The following GREB1 variants were observed in gnomAD, a reference collection of about 807,000 sequenced individuals.
GREB1 encodes growth regulating estrogen receptor binding 1, also known as protein GREB1.
Under a neutral mutation model 200.7 loss-of-function variants are expected in GREB1, and 106 were observed. The observed-to-expected ratio is 0.53, with a 90% CI of 0.45 to 0.62. The LOEUF is 0.62. GREB1 is among the 20% of genes least tolerant of loss of function. The probability of loss-of-function intolerance (pLI) is 0.00; values close to 1 mark genes in which losing one functional copy is unlikely to be tolerated. For missense variants in GREB1, 2,243 were observed against 2,556.8 expected (o/e 0.88, Z 2.65); for synonymous variants, 1,132 against 1,092.4 (o/e 1.04, Z -0.72).
chr2:11,487,892 G>A (rs993741062), intron 1 of GREB1, among the ~76,000 whole-genome samples: 4 of 152,180 alleles, frequency 2.6e-5, no homozygotes, highest in African/African-American at 9.7e-5. Context: ...AACAAAAGGC[G>A]GTGGACTGCC....
At chr2:11,490,942 C>G (rs1445678142) in intron 1 of GREB1, among the ~76,000 whole-genome samples, 1 of 152,296 alleles carries the variant, frequency 6.6e-6, no homozygotes, top group South Asian at 2.1e-4. Context: ...GGAGGAACTG[C>G]CAAGCTGATT....
chr2:11,540,834 GCTGA>G (rs1674680238), intron 1 of GREB1, among the ~76,000 whole-genome samples: 1 of 152,172 alleles, frequency 6.6e-6, no homozygotes, highest in African/African-American at 2.4e-5. Flanking sequence ...TATATTGGGG[GCTGA>G]CTATTGCCAC....
upstream of GREB1, among the ~76,000 whole-genome samples, chr2:11,532,017 T>C (rs1674091324): frequency 6.6e-6 from 1 of 152,242 alleles, no homozygotes; most frequent in Non-Finnish European, 1.5e-5. Flanking sequence ...TTTTCTCTGC[T>C]TTCTACTATT....
upstream of GREB1, among the ~76,000 whole-genome samples, chr2:11,530,399 C>T (rs1674028313): frequency 6.8e-6 from 1 of 147,530 alleles, no homozygotes; most frequent in Non-Finnish European, 1.5e-5. Context: ...TGATCTTTGC[C>T]AAATAGGAAA....
In GREB1 at chr2:11,524,361, A is replaced by G. The variant is rs1291241568; in HGVS notation, c.-158-32096A>G. On this transcript the variant is annotated intron_variant, in intron 1 of 2. Coordinates refer to the GREB1 transcript ENST00000628795. The stretch of plus-strand genomic sequence containing the variant: ...ATTGACAGCCATTAGGTTGGGTGAC[A>G]TGACAGAGGGAGGTGACATGTCCAT... Among the ~76,000 whole-genome samples the G allele has an allele frequency of 2.0e-5, 3 of 152,308 alleles. No individual in the cohort carries two copies. The South Asian group carries it at 6.2e-4, about 32-fold the overall frequency.
intron 4 of GREB1, among the ~76,000 whole-genome samples, chr2:11,566,956 T>C (rs1468149707): frequency 6.6e-6 from 1 of 152,198 alleles, no homozygotes. Flanking sequence ...TGACAAACCC[T>C]GTCCTAGGCA....
Position 11,588,620 on chromosome 2 carries a change from G to A in GREB1, c.1160-126G>A, listed in dbSNP as rs1289879217. 15 of 865,956 alleles carry A rather than the reference G, an allele frequency of 1.7e-5. No individual in the cohort carries two copies. The East Asian group carries it at 3.5e-4, about 20-fold the overall frequency. The allele number at this position is 865,956 out of a possible 1,614,324, so 53.6% of individuals were successfully genotyped here. A position where few individuals can be genotyped will look rare whatever the true frequency, so the allele number is the denominator to read the frequency against. The stretch of plus-strand genomic sequence containing the variant: ...CAATGAGCAAGGCTTCCCAGGACAG[G>A]GCACTCGAGGGACCTGGCGCAGCTC... On this transcript the variant is annotated intron_variant, in intron 9 of 32. Coordinates refer to ENST00000381486, the MANE Select transcript of GREB1 (RefSeq NM_014668.4).
At chr2:11,572,639 C>T (rs1302234392) in intron 4 of GREB1, among the ~76,000 whole-genome samples, 1 of 151,974 alleles carries the variant, frequency 6.6e-6, no homozygotes. Context: ...TCCCCTAGGG[C>T]CACATGTGAG....
chr2:11,534,619 C>T (rs1674207151), intron 1 of GREB1, among the ~76,000 whole-genome samples: 1 of 152,138 alleles, frequency 6.6e-6, no homozygotes, highest in South Asian at 2.1e-4. Context: ...AACAGGCTCA[C>T]CCGTGAGAGC....
Position 11,641,203 on chromosome 2 carries a change from A to C in GREB1, c.*749A>C, listed in dbSNP as rs1361434356. The C allele has an allele frequency of 2.6e-5, 4 of 152,210 alleles. No individual in the cohort carries two copies. Among genetic ancestry groups the C allele is most frequent in the African/African-American group, 9.6e-5 (4 of 41,454 alleles). The allele number at this position is 152,210 out of a possible 1,614,324, so 9.4% of individuals were successfully genotyped here. ...GAGGTTGACCTAAAATTAGCCTTAC[A>C]AAGGAGAAAGGACCACATTGCTTAC... On this transcript the variant is annotated 3_prime_UTR_variant, in exon 33 of 33. Coordinates refer to ENST00000381486, the MANE Select transcript of GREB1 (RefSeq NM_014668.4).
At chr2:11,562,312 G>A (rs1211391273) in intron 2 of GREB1, 151 bp from the exon 3 acceptor site, 2 of 906,546 alleles carry the variant, frequency 2.2e-6, no homozygotes, top group Non-Finnish European at 1.7e-6. Context: ...CGTGCTGAGT[G>A]CTTGTTAAGG....
chr2:11,509,643 G>A (rs866160076), intron 1 of GREB1, among the ~76,000 whole-genome samples: 1 of 152,170 alleles, frequency 6.6e-6, no homozygotes, highest in Admixed American at 6.5e-5. Context: ...TCAGAGGTGG[G>A]CCTTTAGGAG....
chr2:11,622,749 G>A (rs1248945375), intron 23 of GREB1, among the ~76,000 whole-genome samples: 1 of 152,202 alleles, frequency 6.6e-6, no homozygotes, highest in African/African-American at 2.4e-5. Context: ...TGCAGGTTTT[G>A]CTGGCATTGG....
chr2:11,530,876 G>A (rs1159961753), upstream of GREB1, among the ~76,000 whole-genome samples: 1 of 152,164 alleles, frequency 6.6e-6, no homozygotes, highest in Non-Finnish European at 1.5e-5. Context: ...TGGGAAGGCT[G>A]TGTGGGGGAA....
Position 11,566,487 on chromosome 2 carries a change from C to T in GREB1, c.285C>T (p.Cys95=). The change falls in exon 4 of 33, where the codon TGC becomes TGT. Residue 95 remains cysteine, a synonymous_variant. Coordinates refer to ENST00000381486, the MANE Select transcript of GREB1 (RefSeq NM_014668.4). ...CCTGTCCACCCCTCCTAGGGTTTTG[C>T]CAGGCCGGGAAGGACCTGCGCCTTG... is the stretch of plus-strand genomic sequence containing the variant. The part of the protein sequence containing the change: ...PEGCCTTDGF[C]QAGKDLRLVS... 1.2e-6 allele frequency: 2 copies of T among 1,606,614 alleles called. No homozygotes were observed. Among genetic ancestry groups the T allele is most frequent in the Non-Finnish European group, 1.7e-6 (2 of 1,175,758 alleles).
intron 1 of GREB1, among the ~76,000 whole-genome samples, chr2:11,499,650 G>C (rs1478922290): frequency 1.3e-5 from 2 of 152,238 alleles, no homozygotes; most frequent in Admixed American, 6.5e-5. Context: ...AAAATTACAT[G>C]TGTTAATTGC....
In GREB1 at chr2:11,633,894, T is replaced by C. The variant is rs1264885995; in HGVS notation, c.4992-237T>C. On this transcript the variant is annotated intron_variant, in intron 28 of 32. Coordinates refer to ENST00000381486, the MANE Select transcript of GREB1 (RefSeq NM_014668.4). This position sits in a 1 kb window ranked among gnomAD's most constrained non-coding sequence, Gnocchi z 4.1. ...TTGTCTGCGATTAATACCTATGCCA[T>C]GGAGTTGTTGTGAGAATTGACTAAA... Among the ~76,000 whole-genome samples, 1 of 152,180 alleles carries C rather than the reference T, an allele frequency of 6.6e-6. No individual in the cohort carries two copies. The highest frequency in any genetic ancestry group is 1.5e-5 in the Non-Finnish European group (1 of 68,036).
At chr2:11,571,377 C>A (rs1044666434) in intron 4 of GREB1, among the ~76,000 whole-genome samples, 2 of 152,166 alleles carry the variant, frequency 1.3e-5, no homozygotes, top group Admixed American at 6.5e-5. Flanking sequence ...TAAATTACTC[C>A]TGCTGTTTCC....
rs1178171259 is a variant in GREB1, at chr2:11,556,567, A to G, written c.-48A>G. The G allele has an allele frequency of 2.0e-6, 3 of 1,521,274 alleles. No individual in the cohort carries two copies. The highest frequency in any genetic ancestry group is 2.3e-5 in the East Asian group (1 of 42,794). 94.2% of individuals were successfully genotyped at this position (1,521,274 alleles called of 1,614,324 possible). A position where few individuals can be genotyped will look rare whatever the true frequency, so the allele number is the denominator to read the frequency against. Reference sequence around the variant, plus strand: ...ACCTTGCGTGGAGCCAGGCTTTTGCACCGAATCTGAGATGCCATTTTAAAC... The same window carrying G: ...ACCTTGCGTGGAGCCAGGCTTTTGCGCCGAATCTGAGATGCCATTTTAAAC... On this transcript the variant is annotated 5_prime_UTR_variant, in exon 2 of 33. Transcript: ENST00000381486.
Sources: gnomAD v4.1 joint callset for allele counts (sites outside exome capture counted in the v4.1 genomes callset) on GRCh38, gnomAD v4.1.1 for gene constraint, Gnocchi (gnomAD v3.1) non-coding constraint, MANE v1.5 for transcripts, NCBI Gene and HGNC (gene_info 2026-07-23, HGNC 2026-07-21) for gene names.